The following NBPF12 variants were observed in gnomAD, a reference collection of about 807,000 sequenced individuals.
The protein encoded by NBPF12 is NBPF member 12.
A neutral mutation model predicts 146.4 loss-of-function variants in NBPF12; 115 were observed. The observed-to-expected ratio is 0.79, with a 90% confidence interval of 0.68 to 0.92. The LOEUF (loss-of-function observed/expected upper bound fraction) is 0.92, where lower values mean the gene tolerates loss of function less well. Among genes scored for constraint, NBPF12 ranks in the 40% least tolerant of loss-of-function variants. NBPF12 has a pLI of 0.00. For missense variants in NBPF12, 1,205 were observed against 1,326.8 expected (o/e 0.91, Z 1.43); for synonymous variants, 385 against 508.9 (o/e 0.76, Z 3.28).
At chr1:146,965,962 G>A (rs1656176182) in intron 8 of NBPF12, among the ~76,000 whole-genome samples, 1 of 151,446 alleles carries the variant, frequency 6.6e-6, no homozygotes, top group East Asian at 1.9e-4. Flanking sequence ...ACAAAAATTA[G>A]CTGTCATGTT....
upstream of NBPF12, among the ~76,000 whole-genome samples, chr1:146,945,086 TCCTC>T (rs1223743413): frequency 9.3e-6 from 1 of 107,068 alleles, no homozygotes; most frequent in Admixed American, 9.2e-5. Flanking sequence ...CTCCCTCCCT[TCCTC>T]CCTCCTTCCC....
chr1:146,951,520 A>G, intron 2 of NBPF12, 31 bp downstream of exon 5: 1 of 590,772 alleles, frequency 1.7e-6, no homozygotes, highest in Non-Finnish European at 3.0e-6. Context: ...AGCTTTCTGA[A>G]AGATGCTACC....
At chr1:146,954,389 C>CAAAAAA (rs1170420550) in intron 2 of NBPF12, among the ~76,000 whole-genome samples, 8 of 24,024 alleles carry the variant, frequency 3.3e-4, no homozygotes, top group Non-Finnish European at 5.0e-4. Context: ...GACTCTGTCT[C>CAAAAAA]AAAAAAAAAA....
At chr1:146,995,263 A>C (rs1570908668) in exon 34 of NBPF12, 1 of 125,900 alleles carries the variant, frequency 7.9e-6, no homozygotes, top group East Asian at 2.3e-4. Flanking sequence ...AGGAGACAGC[A>C]TGTCACCCAG....
chr1:146,971,337 G>C, exon 13 of NBPF12: 2 of 1,611,842 alleles, frequency 1.2e-6, no homozygotes, highest in Non-Finnish European at 1.7e-6. Flanking sequence ...CTCATCTCTG[G>C]TTGTAGACAG....
intron 8 of NBPF12, among the ~76,000 whole-genome samples, chr1:146,966,002 C>A (rs1223128562): frequency 3.4e-5 from 5 of 147,078 alleles, no homozygotes; most frequent in African/African-American, 1.0e-4. Context: ...AGATGCTTGG[C>A]AGGCTGAGTG....
At chr1:146,969,467 T>A (rs1215102299) in exon 11 of NBPF12, 8 of 1,368,826 alleles carry the variant, frequency 5.8e-6, no homozygotes, top group Non-Finnish European at 6.2e-6. Context: ...TGCCTCCCGC[T>A]CATTGAATGA....
rs1457684872 is a variant in NBPF12 at position 146,970,503 on chromosome 1, G to A, written c.1307-144G>A. The A allele has an allele frequency of 4.1e-4, 472 of 1,157,060 alleles. 13 individuals are homozygous for A. In the African/African-American group the frequency reaches 4.6e-3, roughly 11 times the overall value. 71.7% of individuals were successfully genotyped at this position (1,157,060 alleles called of 1,614,324 possible). A position where few individuals can be genotyped will look rare whatever the true frequency, so the allele number is the denominator to read the frequency against. On this transcript the variant is annotated intron_variant, in intron 11 of 33. Coordinates refer to ENST00000617844, the Ensembl canonical transcript of NBPF12. ...CTGATGGACCAGGAAACCATGCCAG[G>A]GCATTTTGTGAAAGATAAAACATGA... is the stretch of plus-strand genomic sequence containing the variant.
exon 34 of NBPF12, chr1:146,995,681 C>A (rs1486874837): frequency 6.7e-6 from 1 of 149,722 alleles, no homozygotes; most frequent in African/African-American, 2.6e-5. Context: ...ACTGCAGAGA[C>A]AATGCTGTGA....
chr1:146,978,184 A>G (rs1209383147), intron 18 of NBPF12, among the ~76,000 whole-genome samples: 5 of 150,594 alleles, frequency 3.3e-5, no homozygotes, highest in African/African-American at 4.9e-5. Flanking sequence ...ATATATTTCC[A>G]TAAAGCAAGG....
intron 23 of NBPF12, among the ~76,000 whole-genome samples, chr1:146,985,987 T>G (rs1479645869): frequency 6.6e-6 from 1 of 151,692 alleles, no homozygotes; most frequent in East Asian, 1.9e-4. Context: ...GTATGGCAAC[T>G]GCATGGAATC....
At position 146,994,340 on chromosome 1, in the gene NBPF12, G is replaced by A. The variant is rs1658395453; in HGVS notation, c.4139G>A (p.Ser1380Asn). The A allele has an allele frequency of 9.3e-6, 15 of 1,611,544 alleles. No homozygotes were observed. The East Asian group carries it at 2.2e-4, about 24-fold the overall frequency. Residue 1380 changes from serine to asparagine, a missense_variant, in exon 34 of 34, where the codon AGC becomes AAC. Physicochemically the swap from Ser to Asn is conservative, Grantham distance 46. Around this residue, in one of 16 missense-constraint regions of NBPF12, gnomAD observed 210 missense variants for 94.4 expected, o/e 2.22. Transcript: ENST00000617844. ...TTTGTCTCCTTTTCCAGGCTCAACA[G>A]CGTGCTGATGGAAGTGGAAGAGCCT... is the stretch of plus-strand genomic sequence containing the variant.
intron 14 of NBPF12, among the ~76,000 whole-genome samples, chr1:146,973,961 C>G (rs1363710619): frequency 1.3e-5 from 2 of 150,836 alleles, no homozygotes; most frequent in African/African-American, 4.9e-5. Flanking sequence ...GGGCCTGTCT[C>G]CTGGGCTCCA....
intron 1 of NBPF12, among the ~76,000 whole-genome samples, chr1:146,949,822 G>A (rs1476546761): frequency 1.7e-4 from 26 of 152,048 alleles, no homozygotes; most frequent in South Asian, 4.2e-4. Context: ...CAGAGGCCAC[G>A]TGCTTTCCTC....
At chr1:146,966,492 C>G (rs1287549637) in exon 9 of NBPF12, 14 of 1,437,000 alleles carry the variant, frequency 9.7e-6, no homozygotes, top group Admixed American at 5.0e-5. Flanking sequence ...CTGCCACAAA[C>G]GTCAGCATGG....
upstream of NBPF12, among the ~76,000 whole-genome samples, chr1:146,948,911 A>G (rs1218811916): frequency 2.0e-5 from 3 of 151,620 alleles, no homozygotes; most frequent in African/African-American, 7.3e-5. Context: ...GAGGTGGGAC[A>G]TGCTGGCAGC....
intron 4 of NBPF12, among the ~76,000 whole-genome samples, chr1:146,960,539 A>T (rs1655782643): frequency 6.6e-6 from 1 of 152,000 alleles, no homozygotes; most frequent in Admixed American, 6.5e-5. Context: ...GACTAGAGTT[A>T]AACTCACAGT....
At chr1:146,962,739 T>C (rs1655938993) in intron 5 of NBPF12, among the ~76,000 whole-genome samples, 1 of 148,440 alleles carries the variant, frequency 6.7e-6, no homozygotes, top group Admixed American at 6.8e-5. Context: ...TGGCTTTGTA[T>C]CTAGTGGCCG....
chr1:146,994,736 G>C lies in NBPF12; in HGVS notation c.*161G>C, dbSNP rs1295888398. ...TCAGAGCATGCCAGTGGCAACCTGT[G>C]CTCAGTCTGAAGACAATGGACCCAC... On this transcript the variant is annotated 3_prime_UTR_variant, in exon 34 of 34. Coordinates refer to ENST00000617844, the Ensembl canonical transcript of NBPF12. The C allele has an allele frequency of 2.0e-5, 25 of 1,257,328 alleles. No individual in the cohort carries two copies. The African/African-American group carries it at 3.0e-4, about 15-fold the overall frequency. The allele number at this position is 1,257,328 out of a possible 1,614,324, so 77.9% of individuals were successfully genotyped here.
Sources: gnomAD v4.1 joint callset for allele counts (sites outside exome capture counted in the v4.1 genomes callset) on GRCh38, gnomAD v4.1.1 for gene constraint, gnomAD v4.1.1 regional missense constraint, MANE v1.5 for transcripts, NCBI Gene and HGNC (gene_info 2026-07-23, HGNC 2026-07-21) for gene names.